RFX1: variants seen among roughly 807,000 people sequenced by gnomAD.
RFX1 encodes MHC class II regulatory factor RFX1.
Under a neutral mutation model 119.6 loss-of-function variants are expected in RFX1, and 42 were observed. The observed-to-expected ratio is 0.35, with a 90% CI of 0.27 to 0.45. The LOEUF is 0.45. RFX1 is among the 20% of genes least tolerant of loss of function. RFX1 has a pLI of 1.00. For synonymous variants in RFX1, 628 were observed against 618.5 expected (o/e 1.02, Z -0.23); for missense variants, 1,118 against 1,368.1 (o/e 0.82, Z 2.88).
At chr19:14,001,585 G>A (rs1975217619) in intron 1 of RFX1, among the ~76,000 whole-genome samples, 1 of 152,204 alleles carries the variant, frequency 6.6e-6, no homozygotes, top group Admixed American at 6.5e-5. Context: ...ACAAGCATAA[G>A]CCACTGAGTC....
rs999130450 is a variant in RFX1, at chr19:13,986,634, C to T, written c.320-3039G>A. ...ATCTGCCGGAGATCGCCACTCTGGG[C>T]ATGCGCAGGAGGCCAGGGAGGCCCC... On this transcript the variant is annotated intron_variant, in intron 2 of 20. Coordinates refer to ENST00000254325, the MANE Select transcript of RFX1 (RefSeq NM_002918.5). This position sits in a 1 kb window ranked among gnomAD's most constrained non-coding sequence, Gnocchi z 4.2. 1.3e-5 allele frequency among the ~76,000 whole-genome samples: 2 copies of T among 152,148 alleles called. No individual in the cohort carries two copies. The highest frequency in any genetic ancestry group is 2.9e-5 in the Non-Finnish European group (2 of 68,008).
chr19:13,966,689 C>T lies in RFX1; in HGVS notation c.1795G>A (p.Gly599Ser), dbSNP rs372765441. The T allele has an allele frequency of 1.2e-6, 2 of 1,611,488 alleles. No homozygotes were observed. Among genetic ancestry groups the T allele is most frequent in the Non-Finnish European group, 1.7e-6 (2 of 1,179,122 alleles). ...GCTTTGATGTCCCCGGGCCCGACGC[C>T]CTCAGGCAGCACCTTGCCCTGGAGG... Reference protein sequence around the residue: ...LDLQGKVLPEGVGPGDIKAFQ... With the variant: ...LDLQGKVLPESVGPGDIKAFQ... The change falls in exon 13 of 21, where the codon GGC becomes AGC. Residue 599 changes from glycine (G) to serine (S), a missense_variant. By Grantham distance (56) the Gly-to-Ser change is moderately conservative (BLOSUM62 0). This residue lies in a region of RFX1 where 338 missense variants were observed against 508.9 expected (regional missense o/e 0.66). Transcript: ENST00000254325. The surrounding 1 kb of genome is among the most constrained non-coding windows in gnomAD (Gnocchi z 6.3).
chr19:13,977,459 C>A (rs1481226947), intron 8 of RFX1, among the ~76,000 whole-genome samples: 2 of 151,666 alleles, frequency 1.3e-5, no homozygotes, highest in Non-Finnish European at 2.9e-5. Context: ...CTCTATTGCC[C>A]AGGCTAGAGT....
chr19:13,962,902 G>A, intron 20 of RFX1, 38 bp from the exon 21 acceptor site: 3 of 1,538,256 alleles, frequency 2.0e-6, no homozygotes, highest in East Asian at 2.5e-5. Context: ...GGGGCGGGGT[G>A]GCAACGCCCC....
chr19:13,980,743 G>GGGGTGGGCTCGCATCTTCTCTC lies in RFX1; in HGVS notation c.622-55_622-54insGAGAGAAGATGCGAGCCCACCC. 1 of 1,306,238 alleles carries GGGGTGGGCTCGCATCTTCTCTC rather than the reference G, an allele frequency of 7.7e-7. No homozygotes were observed. The highest frequency in any genetic ancestry group is 1.1e-6 in the Non-Finnish European group (1 of 930,504). The allele number at this position is 1,306,238 out of a possible 1,614,324, so 80.9% of individuals were successfully genotyped here. On this transcript the variant is annotated intron_variant, in intron 5 of 20. Coordinates refer to ENST00000254325, the MANE Select transcript of RFX1 (RefSeq NM_002918.5). The surrounding 1 kb of genome is among the most constrained non-coding windows in gnomAD (Gnocchi z 5.1). ...GCTGGGGTGGGCTTGCATCCTCTCT[G>GGGGTGGGCTCGCATCTTCTCTC]AGGTGGGCTCACACACACACCCTTC...
chr19:13,965,293 C>T lies in RFX1; in HGVS notation c.2211+156G>A, dbSNP rs200243535. On this transcript the variant is annotated intron_variant, in intron 16 of 20. Transcript: ENST00000254325. This position sits in a 1 kb window ranked among gnomAD's most constrained non-coding sequence, Gnocchi z 4.7. ...AGGACACTGGTTTATAAAGACAATG[C>T]CCAGGGTGCTCCCCGAGGCGGAGAA... Among the ~76,000 whole-genome samples, 6 of 152,138 alleles carry T rather than the reference C, an allele frequency of 3.9e-5. No individual in the cohort carries two copies. The East Asian group carries it at 9.6e-4, about 24-fold the overall frequency.
In RFX1 at chr19:13,968,676, T is replaced by C. The variant is rs1973980157; in HGVS notation, c.1621A>G (p.Lys541Glu). Reference sequence around the variant, plus strand: ...ATGCCTTCCATCTTCTGGATGGGCTTGAGCCTGGAGTAGAATGGGCAGGTG... The same window carrying C: ...ATGCCTTCCATCTTCTGGATGGGCTCGAGCCTGGAGTAGAATGGGCAGGTG... ...GQPFSQKQRL[K>E]PIQKMEGMTN... The change falls in exon 12 of 21, where the codon AAG becomes GAG. Residue 541 changes from lysine (K) to glutamate (E), a missense_variant. By Grantham distance (56) the Lys-to-Glu change is moderately conservative. Around this residue, in one of 5 missense-constraint regions of RFX1, gnomAD observed 338 missense variants for 508.9 expected, o/e 0.66. Transcript: ENST00000254325. This position sits in a 1 kb window ranked among gnomAD's most constrained non-coding sequence, Gnocchi z 5.5. 1 of 1,612,890 alleles carries C rather than the reference T, an allele frequency of 6.2e-7. No homozygotes were observed. The highest frequency in any genetic ancestry group is 1.1e-5 in the South Asian group (1 of 91,084).
At chr19:13,979,267 ATC>A (rs1406182732) in intron 7 of RFX1, among the ~76,000 whole-genome samples, 178 bp downstream of exon 7, 6 of 152,146 alleles carry the variant, frequency 3.9e-5, no homozygotes, top group African/African-American at 2.4e-5. Context: ...TTGAATCCAG[ATC>A]TCTCTTAGCA....
At chr19:13,978,923 C>T (rs971876549) in intron 7 of RFX1, among the ~76,000 whole-genome samples, 2 of 151,926 alleles carry the variant, frequency 1.3e-5, no homozygotes, top group Non-Finnish European at 2.9e-5. Flanking sequence ...ACCCACTGCT[C>T]GGCGCCCGGC....
Position 13,985,878 on chromosome 19 carries a change from G to A in RFX1, c.320-2283C>T, listed in dbSNP as rs766375621. ...GAGCGCAGGAGTGTGTGTTGGGGGC[G>A]GGGGTTGCCAGATGTGGGAGGTGTT... is the stretch of plus-strand genomic sequence containing the variant. On this transcript the variant is annotated intron_variant, in intron 2 of 20. Coordinates refer to ENST00000254325, the MANE Select transcript of RFX1 (RefSeq NM_002918.5). The surrounding 1 kb of genome is among the most constrained non-coding windows in gnomAD (Gnocchi z 4.3). 4.6e-5 allele frequency among the ~76,000 whole-genome samples: 7 copies of A among 152,288 alleles called. No individual in the cohort carries two copies. Among genetic ancestry groups the A allele is most frequent in the Middle Eastern group, 3.4e-3 (1 of 294 alleles).
rs1303560700 is a variant in RFX1 at position 13,968,047 on chromosome 19, A to C, written c.1732+518T>G. ...GGTGGGAGGATCACTTCAGGTCAGG[A>C]GTTCGAGACCAGCCTAGCCAAGATG... On this transcript the variant is annotated intron_variant, in intron 12 of 20. Coordinates refer to ENST00000254325, the MANE Select transcript of RFX1 (RefSeq NM_002918.5). This position sits in a 1 kb window ranked among gnomAD's most constrained non-coding sequence, Gnocchi z 5.5. Among the ~76,000 whole-genome samples, 1 of 152,072 alleles carries C rather than the reference A, an allele frequency of 6.6e-6. No individual in the cohort carries two copies. Among genetic ancestry groups the C allele is most frequent in the African/African-American group, 2.4e-5 (1 of 41,424 alleles).
intron 1 of RFX1, 61 bp from the exon 2 acceptor site, chr19:13,993,956 C>T (rs1285595964): frequency 8.4e-6 from 8 of 956,684 alleles, no homozygotes; most frequent in Admixed American, 2.6e-5. Context: ...GAAGGAAAAA[C>T]AGGAATTAAT....
rs1568457902 is a variant in RFX1 at position 13,965,547 on chromosome 19, C to T, written c.2114-1G>A. 1 of 1,612,304 alleles carries T rather than the reference C, an allele frequency of 6.2e-7. No homozygotes were observed. Among genetic ancestry groups the T allele is most frequent in the Non-Finnish European group, 8.5e-7 (1 of 1,179,664 alleles). On this transcript the variant is annotated splice_acceptor_variant, in intron 15 of 20. Transcript: ENST00000254325. LOFTEE classifies it high-confidence loss of function. This position sits in a 1 kb window ranked among gnomAD's most constrained non-coding sequence, Gnocchi z 4.7. ...TTCCGGATCGCTTGGGTCAAGGCAC[C>T]TGTGGGCGGTGGCGGGGGTCGGTCA...
intron 9 of RFX1, among the ~76,000 whole-genome samples, chr19:13,971,749 T>A (rs189607720): frequency 1.3e-5 from 2 of 152,076 alleles, no homozygotes; most frequent in East Asian, 3.9e-4. Context: ...GTGGCTCACG[T>A]CTGTAATCCC....
intron 5 of RFX1, among the ~76,000 whole-genome samples, chr19:13,981,827 G>C (rs1296512918): frequency 6.6e-6 from 1 of 152,244 alleles, no homozygotes; most frequent in Non-Finnish European, 1.5e-5. Context: ...TCGGAATGCA[G>C]TTCCCTGAGC....
chr19:13,964,155 G>A (rs2145529823), intron 16 of RFX1, 148 bp from the exon 17 acceptor site: 1 of 847,568 alleles, frequency 1.2e-6, no homozygotes. Flanking sequence ...GACACAGAAG[G>A]ATCGGGACCT....
At chr19:13,995,215 G>T (rs986415515) in intron 1 of RFX1, among the ~76,000 whole-genome samples, 1 of 151,928 alleles carries the variant, frequency 6.6e-6, no homozygotes, top group Non-Finnish European at 1.5e-5. Context: ...AACTCTGGGT[G>T]TTCTATGCTC....
At chr19:13,992,968 C>CA (rs34614672) in intron 2 of RFX1, among the ~76,000 whole-genome samples, 3,255 of 152,064 alleles carry the variant, frequency 0.021, 112 homozygotes, top group African/African-American at 0.074. Flanking sequence ...CTCATCTCTA[C>CA]AAAAAATACA....
At chr19:13,992,841 G>A (rs1405987591) in intron 2 of RFX1, among the ~76,000 whole-genome samples, 1 of 152,188 alleles carries the variant, frequency 6.6e-6, no homozygotes, top group Non-Finnish European at 1.5e-5. Flanking sequence ...GGTCAGAACA[G>A]CTCTAAGAGG....
Sources: gnomAD v4.1 joint callset for allele counts (sites outside exome capture counted in the v4.1 genomes callset) on GRCh38, gnomAD v4.1.1 for gene constraint, gnomAD v4.1.1 regional missense constraint, Gnocchi (gnomAD v3.1) non-coding constraint, MANE v1.5 for transcripts, NCBI Gene and HGNC (gene_info 2026-07-23, HGNC 2026-07-21) for gene names.